FBXO11: variants seen among roughly 807,000 people sequenced by gnomAD.
FBXO11 encodes the protein F-box protein 11, also known as F-box only protein 11.
In FBXO11, 13 loss-of-function variants were observed where a neutral mutation model predicts 117.0. The ratio of observed to expected loss-of-function variants is 0.11; its 90% CI spans 0.07 to 0.18. FBXO11 has a LOEUF of 0.18. Among genes scored for constraint, FBXO11 ranks in the 10% least tolerant of loss-of-function variants. FBXO11 has a pLI of 1.00. For synonymous variants in FBXO11, 490 were observed against 380.5 expected, an observed-to-expected ratio of 1.29 and a Z score of -3.35; for missense variants, 767 against 1,164.4, an observed-to-expected ratio of 0.66 and a Z score of 4.97.
chr2:47,900,112 T>C (rs1050263638), intron 1 of FBXO11, among the ~76,000 whole-genome samples: 1 of 152,104 alleles, frequency 6.6e-6, no homozygotes, highest in Non-Finnish European at 1.5e-5. Flanking sequence ...TAAGAGCTCT[T>C]AGGCCTTATC....
chr2:47,891,701 T>C (rs1677269380), intron 1 of FBXO11, among the ~76,000 whole-genome samples: 1 of 152,182 alleles, frequency 6.6e-6, no homozygotes, highest in African/African-American at 2.4e-5. Context: ...TCCACACTGT[T>C]TTCCATAATA....
chr2:47,853,865 T>C (rs1040325172), intron 1 of FBXO11, among the ~76,000 whole-genome samples: 4 of 152,240 alleles, frequency 2.6e-5, no homozygotes, highest in African/African-American at 9.6e-5. Flanking sequence ...TCCAATTTCA[T>C]CTTCTAAAAA....
intron 1 of FBXO11, among the ~76,000 whole-genome samples, chr2:47,862,486 G>T (rs977290695): frequency 3.0e-4 from 46 of 152,126 alleles, no homozygotes; most frequent in African/African-American, 1.1e-3. Flanking sequence ...ATAATGTCTT[G>T]CTATGTTGCC....
chr2:47,876,363 A>G (rs1676005458), intron 1 of FBXO11, among the ~76,000 whole-genome samples: 1 of 152,070 alleles, frequency 6.6e-6, no homozygotes, highest in Admixed American at 6.6e-5. Context: ...TTGCCACTGT[A>G]TTATTTTTTG....
chr2:47,822,139 T>G, intron 13 of FBXO11, 79 bp downstream of exon 13: 1 of 995,722 alleles, frequency 1.0e-6, no homozygotes, highest in South Asian at 1.4e-5. Flanking sequence ...TTGGGTAGTT[T>G]CAAAATGTTC....
chr2:47,857,765 T>G (rs1415424006), intron 1 of FBXO11, among the ~76,000 whole-genome samples: 2 of 152,122 alleles, frequency 1.3e-5, no homozygotes, highest in Non-Finnish European at 2.9e-5. Context: ...TCAAAGTCAT[T>G]GAATGAATAT....
At chr2:47,878,662 T>A (rs1310844690) in intron 1 of FBXO11, among the ~76,000 whole-genome samples, 4 of 101,704 alleles carry the variant, frequency 3.9e-5, no homozygotes, top group Non-Finnish European at 6.9e-5. Flanking sequence ...GCGTCCAGCA[T>A]TTTTTTTTTT....
rs1678781011 is a variant in FBXO11, at chr2:47,905,909, A to T, written c.-189T>A. ...CGAGTCCGGAGAAAGGCCCGGGTAG[A>T]CAGACGGAGACCGAGCGAGGCCGGC... On this transcript the variant is annotated 5_prime_UTR_variant, in exon 1 of 23. Coordinates refer to ENST00000403359, the MANE Select transcript of FBXO11 (RefSeq NM_001190274.2). The T allele has an allele frequency of 1.7e-6, 1 of 590,480 alleles. No individual in the cohort carries two copies. The highest frequency in any genetic ancestry group is 2.8e-5 in the South Asian group (1 of 35,912). The allele number at this position is 590,480 out of a possible 1,614,324, so 36.6% of individuals were successfully genotyped here. A position where few individuals can be genotyped will look rare whatever the true frequency, so the allele number is the denominator to read the frequency against.
At chr2:47,828,609 CA>C (rs536847210) in intron 11 of FBXO11, among the ~76,000 whole-genome samples, 9,304 of 98,550 alleles carry the variant, frequency 0.094, 351 homozygotes, top group Non-Finnish European at 0.14. Context: ...ACTCTTGTCT[CA>C]AAAAAAAAAA....
chr2:47,808,035 G>A lies in FBXO11; in HGVS notation c.*83C>T. Reference sequence around the variant, plus strand: ...TAATACAGTCTCTTCCTGTAGCATGGGCAAATATTTTAAATCTTCTTCCAA... The same window carrying A: ...TAATACAGTCTCTTCCTGTAGCATGAGCAAATATTTTAAATCTTCTTCCAA... On this transcript the variant is annotated 3_prime_UTR_variant, in exon 23 of 23. Coordinates refer to ENST00000403359, the MANE Select transcript of FBXO11 (RefSeq NM_001190274.2). 1 of 1,258,316 alleles carries A rather than the reference G, an allele frequency of 7.9e-7. No homozygotes were observed. Among genetic ancestry groups the A allele is most frequent in the Admixed American group, 2.0e-5 (1 of 51,140 alleles). The allele number at this position is 1,258,316 out of a possible 1,614,324, so 77.9% of individuals were successfully genotyped here. A position where few individuals can be genotyped will look rare whatever the true frequency, so the allele number is the denominator to read the frequency against.
chr2:47,849,850 C>A (rs999688182), intron 1 of FBXO11, among the ~76,000 whole-genome samples: 1 of 152,160 alleles, frequency 6.6e-6, no homozygotes, highest in Admixed American at 6.5e-5. Context: ...TATGGCTATA[C>A]TATGTAGCAG....
intron 1 of FBXO11, among the ~76,000 whole-genome samples, chr2:47,886,552 T>C (rs1676865506): frequency 6.6e-6 from 1 of 151,128 alleles, no homozygotes; most frequent in Admixed American, 6.6e-5. Context: ...GATATAAACA[T>C]GTAAAGATAT....
rs546306948 is a variant in FBXO11, at chr2:47,837,731, C to T, written c.587+1128G>A. 1.6e-4 allele frequency among the ~76,000 whole-genome samples: 24 copies of T among 152,186 alleles called. No homozygotes were observed. The South Asian group carries it at 4.4e-3, about 28-fold the overall frequency. On this transcript the variant is annotated intron_variant, in intron 4 of 22. Coordinates refer to ENST00000403359, the MANE Select transcript of FBXO11 (RefSeq NM_001190274.2). ...ATTATATAGCATATACAATTTTGTA[C>T]TCTGTTCTTTTCTTTAAAAAACAGG... is the stretch of plus-strand genomic sequence containing the variant.
chr2:47,905,134 A>G, intron 1 of FBXO11: 2 of 171,028 alleles, frequency 1.2e-5, no homozygotes, highest in Non-Finnish European at 2.5e-5. Context: ...GCGGCAGAAA[A>G]GGGAGAAATC....
chr2:47,808,051 C>T lies in FBXO11; in HGVS notation c.*67G>A. On this transcript the variant is annotated 3_prime_UTR_variant, in exon 23 of 23. Transcript: ENST00000403359. The stretch of plus-strand genomic sequence containing the variant: ...TGTAGCATGGGCAAATATTTTAAAT[C>T]TTCTTCCAAAAAAGTGTTTTAAGTT... The T allele has an allele frequency of 7.1e-7, 1 of 1,400,438 alleles. No individual in the cohort carries two copies. The highest frequency in any genetic ancestry group is 9.8e-7 in the Non-Finnish European group (1 of 1,017,858). The allele number at this position is 1,400,438 out of a possible 1,614,324, so 86.8% of individuals were successfully genotyped here.
At position 47,808,394 on chromosome 2, in the gene FBXO11, G is replaced by A; in HGVS notation, c.2589C>T (p.Ala863=). The A allele has an allele frequency of 1.2e-6, 2 of 1,607,300 alleles. No homozygotes were observed. The highest frequency in any genetic ancestry group is 1.7e-6 in the Non-Finnish European group (2 of 1,177,200). Residue 863 remains alanine, a synonymous_variant, in exon 22 of 23, where the codon GCC becomes GCT. Transcript: ENST00000403359. Reference sequence around the variant, plus strand: ...ACTTCTTAATGCAGTTCACACATATGGCATTTCGATCTGTGGTGTTACAAG... The same window carrying A: ...ACTTCTTAATGCAGTTCACACATATAGCATTTCGATCTGTGGTGTTACAAG... ...CHTCNTTDRN[A]ICVNCIKKCH...
intron 19 of FBXO11, chr2:47,809,980 A>G: frequency 2.0e-6 from 1 of 492,112 alleles, no homozygotes; most frequent in Non-Finnish European, 3.6e-6. Context: ...CCATTTTAAC[A>G]TCTCTTTTTC....
intron 13 of FBXO11, among the ~76,000 whole-genome samples, chr2:47,820,860 A>G (rs1671327912): frequency 1.3e-5 from 2 of 152,202 alleles, no homozygotes; most frequent in Non-Finnish European, 2.9e-5. Flanking sequence ...GAGTGCCTAT[A>G]CTTAGTAAAG....
chr2:47,895,418 G>T (rs75192571), intron 1 of FBXO11, among the ~76,000 whole-genome samples: 13,051 of 152,130 alleles, frequency 0.086, 645 homozygotes, highest in Non-Finnish European at 0.11. Flanking sequence ...AGTACATACT[G>T]GGGGGTTACA....
Sources: gnomAD v4.1 joint callset for allele counts (sites outside exome capture counted in the v4.1 genomes callset) on GRCh38, gnomAD v4.1.1 for gene constraint, MANE v1.5 for transcripts, NCBI Gene and HGNC (gene_info 2026-07-23, HGNC 2026-07-21) for gene names.